The following SLMAP variants were observed in gnomAD, a reference collection of about 807,000 sequenced individuals.
The protein encoded by SLMAP is sarcolemmal membrane-associated protein.
Under a neutral mutation model 128.8 loss-of-function variants are expected in SLMAP, and 44 were observed. That is an observed-to-expected ratio of 0.34 (90% CI 0.27 to 0.44). SLMAP has a LOEUF of 0.44. Among genes scored for constraint, SLMAP ranks in the 20% least tolerant of loss-of-function variants. The pLI, the probability that SLMAP is intolerant of heterozygous loss-of-function variation, is 1.00. For synonymous variants in SLMAP, 327 were observed against 348.8 expected, an observed-to-expected ratio of 0.94 and a Z score of 0.70; for missense variants, 787 against 985.3, an observed-to-expected ratio of 0.80 and a Z score of 2.69.
rs190905645 is a variant in SLMAP at position 57,819,558 on chromosome 3, A to G, written c.199-11825A>G. ...TCTTTAATGGAAATTTTTTTCTTTT[A>G]GTTTCTCTCTCTCCTACCTCTTAAT... On this transcript the variant is annotated intron_variant, in intron 2 of 24. Coordinates refer to ENST00000671191, the MANE Select transcript of SLMAP (RefSeq NM_001377540.1). 3.3e-3 allele frequency among the ~76,000 whole-genome samples: 504 copies of G among 152,012 alleles called. 3 individuals are homozygous for G. The highest frequency in any genetic ancestry group is 5.8e-3 in the Non-Finnish European group (395 of 67,952).
intron 22 of SLMAP, among the ~76,000 whole-genome samples, chr3:57,921,640 T>C (rs759791239): frequency 1.3e-5 from 2 of 152,232 alleles, no homozygotes; most frequent in East Asian, 3.9e-4. Context: ...AATAAACAAA[T>C]AAAATAAAAA....
chr3:57,835,793 A>C lies in SLMAP; in HGVS notation c.346+4263A>C, dbSNP rs140971236. Among the ~76,000 whole-genome samples, 196 of 152,370 alleles carry C rather than the reference A, an allele frequency of 1.3e-3. 1 individual carries two copies. The highest frequency in any genetic ancestry group is 4.1e-3 in the African/African-American group (170 of 41,590). On this transcript the variant is annotated intron_variant, in intron 3 of 24. Coordinates refer to ENST00000671191, the MANE Select transcript of SLMAP (RefSeq NM_001377540.1). ...ATGGACTAAATTTGCATATATAAAC[A>C]AGATAAATCTCAAACTTTATCTCAA...
At chr3:57,884,731 C>G (rs2095835409) in intron 14 of SLMAP, among the ~76,000 whole-genome samples, 1 of 151,960 alleles carries the variant, frequency 6.6e-6, no homozygotes, top group African/African-American at 2.4e-5. Context: ...ATGGCTTGAG[C>G]CCAGAAGGTG....
At chr3:57,792,622 G>A (rs1302996825) in intron 2 of SLMAP, among the ~76,000 whole-genome samples, 1 of 152,020 alleles carries the variant, frequency 6.6e-6, no homozygotes, top group Non-Finnish European at 1.5e-5. Flanking sequence ...AATTGACCAT[G>A]ATGAATTCTG....
At chr3:57,850,772 T>A (rs2094471348) in intron 6 of SLMAP, among the ~76,000 whole-genome samples, 1 of 152,186 alleles carries the variant, frequency 6.6e-6, no homozygotes, top group Non-Finnish European at 1.5e-5. Context: ...TGGCTGGGAC[T>A]ACAGGCATCC....
Position 57,757,496 on chromosome 3 carries a change from A to G in SLMAP, c.-156A>G. ...GCTGGCTTGTCTTCCCACCCAAGTG[A>G]AGAGTTGATGTTCACTGGTTATGCT... On this transcript the variant is annotated 5_prime_UTR_variant, in exon 2 of 25. Coordinates refer to ENST00000671191, the MANE Select transcript of SLMAP (RefSeq NM_001377540.1). 2 of 668,356 alleles carry G rather than the reference A, an allele frequency of 3.0e-6. No homozygotes were observed. Among genetic ancestry groups the G allele is most frequent in the South Asian group, 3.7e-5 (2 of 54,712 alleles). 41.4% of individuals were successfully genotyped at this position (668,356 alleles called of 1,614,324 possible).
intron 22 of SLMAP, among the ~76,000 whole-genome samples, chr3:57,921,941 G>C (rs1053263745): frequency 6.6e-6 from 1 of 152,162 alleles, no homozygotes; most frequent in Non-Finnish European, 1.5e-5. Context: ...CTGACCTCAG[G>C]TGATCCGCCC....
At chr3:57,810,603 C>A (rs1293044806) in intron 2 of SLMAP, among the ~76,000 whole-genome samples, 1 of 152,116 alleles carries the variant, frequency 6.6e-6, no homozygotes, top group Non-Finnish European at 1.5e-5. Context: ...TCCTCTGTGT[C>A]CATTTTCTTT....
intron 14 of SLMAP, among the ~76,000 whole-genome samples, chr3:57,876,658 A>AT (rs2095610486): frequency 6.6e-6 from 1 of 152,264 alleles, no homozygotes; most frequent in East Asian, 1.9e-4. Flanking sequence ...TAATGGATAC[A>AT]TTGAAACTTT....
rs1392658142 is a variant in SLMAP, at chr3:57,776,001, T to C, written c.198+18152T>C. Among the ~76,000 whole-genome samples the C allele has an allele frequency of 2.6e-5, 4 of 152,292 alleles. No homozygotes were observed. In the East Asian group the frequency reaches 5.8e-4, roughly 22 times the overall value. On this transcript the variant is annotated intron_variant, in intron 2 of 24. Coordinates refer to ENST00000671191, the MANE Select transcript of SLMAP (RefSeq NM_001377540.1). ...GGCGTGAGCCACCACGCCGGGCCAA[T>C]TTTTTAAATAATTTAAAAAAATTAA...
intron 2 of SLMAP, among the ~76,000 whole-genome samples, chr3:57,790,570 T>G (rs961530496): frequency 6.6e-6 from 1 of 152,202 alleles, no homozygotes; most frequent in African/African-American, 2.4e-5. Context: ...TATTTTCTAT[T>G]TGTATAATTT....
intron 2 of SLMAP, among the ~76,000 whole-genome samples, chr3:57,794,076 C>T (rs895921756): frequency 2.6e-5 from 4 of 151,740 alleles, no homozygotes; most frequent in African/African-American, 9.7e-5. Context: ...TTCTTAAAAA[C>T]AAAAAAACAG....
intron 14 of SLMAP, 68 bp from the exon 15 acceptor site, chr3:57,889,972 TA>T (rs1033530579): frequency 1.8e-6 from 2 of 1,103,136 alleles, no homozygotes; most frequent in African/African-American, 1.5e-5. Flanking sequence ...TGGAATGTGT[TA>T]CACTGCCCAG....
chr3:57,766,295 C>T (rs1404987119), intron 2 of SLMAP, among the ~76,000 whole-genome samples: 1 of 150,808 alleles, frequency 6.6e-6, no homozygotes, highest in Non-Finnish European at 1.5e-5. Context: ...GGATTACAGG[C>T]GTGAGCCACC....
chr3:57,899,909 G>A (rs1469938300), intron 17 of SLMAP: 1 of 152,066 alleles, frequency 6.6e-6, no homozygotes, highest in African/African-American at 2.4e-5. Flanking sequence ...TTTTTCTTTT[G>A]TAAAGTTTCT....
intron 2 of SLMAP, among the ~76,000 whole-genome samples, chr3:57,825,810 A>AC (rs2092884921): frequency 6.6e-6 from 1 of 152,088 alleles, no homozygotes; most frequent in South Asian, 2.1e-4. Context: ...TCCAAGACTT[A>AC]TTTTGTGCTG....
In SLMAP at chr3:57,844,265, G is replaced by A. The variant is rs191175308; in HGVS notation, c.419+2894G>A. On this transcript the variant is annotated intron_variant, in intron 4 of 24. Coordinates refer to ENST00000671191, the MANE Select transcript of SLMAP (RefSeq NM_001377540.1). Reference sequence around the variant, plus strand: ...AAAAATTAGCCGGGCGTGGTGGTGAGCGCCTGTAGTCCCAGCTACTCAGGA... The same window carrying A: ...AAAAATTAGCCGGGCGTGGTGGTGAACGCCTGTAGTCCCAGCTACTCAGGA... 1.5e-4 allele frequency among the ~76,000 whole-genome samples: 23 copies of A among 152,072 alleles called. No individual in the cohort carries two copies. The East Asian group carries it at 3.9e-3, about 26-fold the overall frequency.
Position 57,911,050 on chromosome 3 carries a change from CATT to C in SLMAP, c.1700-1328_1700-1326del, listed in dbSNP as rs560397156. Among the ~76,000 whole-genome samples the C allele has an allele frequency of 2.2e-4, 34 of 152,270 alleles. 1 individual carries two copies. Among genetic ancestry groups the C allele is most frequent in the Middle Eastern group, 3.4e-3 (1 of 294 alleles). Reference sequence around the variant, plus strand: ...TAAAACTCCTATTGTAGTTTAATGTCATTATCCATTAATTTACATAAATCTGAT... The same window carrying C: ...TAAAACTCCTATTGTAGTTTAATGTCATCCATTAATTTACATAAATCTGAT... On this transcript the variant is annotated intron_variant, in intron 19 of 24. Transcript: ENST00000671191.
chr3:57,815,014 T>C (rs529855204), intron 2 of SLMAP, among the ~76,000 whole-genome samples: 2 of 152,210 alleles, frequency 1.3e-5, no homozygotes, highest in South Asian at 2.1e-4. Context: ...TGGGATTCCC[T>C]AATCCAGCAG....
Sources: gnomAD v4.1 joint callset for allele counts (sites outside exome capture counted in the v4.1 genomes callset) on GRCh38, gnomAD v4.1.1 for gene constraint, MANE v1.5 for transcripts, NCBI Gene and HGNC (gene_info 2026-07-23, HGNC 2026-07-21) for gene names.